The following PSD3 variants were observed in gnomAD, a reference collection of about 807,000 sequenced individuals.
PSD3 encodes pleckstrin and Sec7 domain containing 3.
Under a neutral mutation model 105.5 loss-of-function variants are expected in PSD3, and 49 were observed. The ratio of observed to expected loss-of-function variants is 0.46; its 90% CI spans 0.37 to 0.59. PSD3 has a LOEUF of 0.59. PSD3 is among the 20% of genes least tolerant of loss of function. PSD3 has a pLI of 0.00. For synonymous variants in PSD3, 557 were observed against 457.8 expected (o/e 1.22, Z -2.77); for missense variants, 1,561 against 1,263.8 (o/e 1.24, Z -3.57).
chr8:18,998,303 A>G (rs1273202711), intron 1 of PSD3, among the ~76,000 whole-genome samples: 1 of 152,006 alleles, frequency 6.6e-6, no homozygotes, highest in Non-Finnish European at 1.5e-5. Flanking sequence ...GTAAAGAAAA[A>G]GCTCTCTTAA....
intron 1 of PSD3, among the ~76,000 whole-genome samples, chr8:18,977,259 CAAA>C (rs36071554): frequency 3.5e-5 from 4 of 113,168 alleles, no homozygotes; most frequent in Non-Finnish European, 1.7e-5. Context: ...CACCCTATCT[CAAA>C]AAAAAAAAAA....
chr8:19,045,068 C>G (rs923524398), intron 1 of PSD3, among the ~76,000 whole-genome samples: 2 of 152,106 alleles, frequency 1.3e-5, no homozygotes, highest in African/African-American at 4.8e-5. Context: ...ACCAGTAGTC[C>G]CAGCTACTTG....
At chr8:18,963,815 T>C (rs1340893729) in intron 1 of PSD3, among the ~76,000 whole-genome samples, 2 of 152,178 alleles carry the variant, frequency 1.3e-5, no homozygotes, top group Non-Finnish European at 1.5e-5. Flanking sequence ...GAAGCAAATA[T>C]GTCATTGAAA....
intron 2 of PSD3, among the ~76,000 whole-genome samples, chr8:18,922,053 CT>C (rs1821056364): frequency 6.6e-6 from 1 of 152,188 alleles, no homozygotes; most frequent in African/African-American, 2.4e-5. Context: ...TATGTCACTT[CT>C]GCTTTATAGA....
rs188659587 is a variant in PSD3, at chr8:18,712,954, T to C, written c.2172+52495A>G. On this transcript the variant is annotated intron_variant, in intron 9 of 15. Transcript: ENST00000327040. ...ATCCACCATGATGAAGTTGGCTTCATCCCTGGAATGCAAGGCGGGTTCAAC... is the reference window on the plus strand; with the variant it reads ...ATCCACCATGATGAAGTTGGCTTCACCCCTGGAATGCAAGGCGGGTTCAAC... Among the ~76,000 whole-genome samples, 52 of 152,238 alleles carry C rather than the reference T, an allele frequency of 3.4e-4. 1 individual carries two copies. Among genetic ancestry groups the C allele is most frequent in the Admixed American group, 2.8e-3 (43 of 15,298 alleles).
chr8:18,907,768 G>C (rs1819942352), intron 2 of PSD3, among the ~76,000 whole-genome samples: 1 of 152,194 alleles, frequency 6.6e-6, no homozygotes, highest in African/African-American at 2.4e-5. Context: ...TGTACCAACA[G>C]AGTAACAACC....
intron 1 of PSD3, among the ~76,000 whole-genome samples, chr8:19,068,313 C>T (rs1310878383): frequency 6.7e-6 from 1 of 149,640 alleles, no homozygotes; most frequent in Non-Finnish European, 1.5e-5. Context: ...CTTTTTGAGA[C>T]AGGGTTCACT....
chr8:18,546,128 T>C lies in PSD3; in HGVS notation c.2928+10081A>G, dbSNP rs140251560. ...CAATTCTCCTGCCTCAGCAAGTAGATGGGATTACAGGTGCCCGCCACCATG... is the reference window on the plus strand; with the variant it reads ...CAATTCTCCTGCCTCAGCAAGTAGACGGGATTACAGGTGCCCGCCACCATG... On this transcript the variant is annotated intron_variant, in intron 15 of 15. Transcript: ENST00000327040. 4.3e-4 allele frequency among the ~76,000 whole-genome samples: 65 copies of C among 152,230 alleles called. No homozygotes were observed. In the East Asian group the frequency reaches 0.011, roughly 26 times the overall value.
chr8:18,997,504 T>C (rs187542929), intron 1 of PSD3, among the ~76,000 whole-genome samples: 25 of 152,136 alleles, frequency 1.6e-4, no homozygotes, highest in Non-Finnish European at 3.7e-4. Flanking sequence ...TCTATTCTCA[T>C]GAGACACAGC....
chr8:18,553,475 T>C (rs1800895934), intron 15 of PSD3, among the ~76,000 whole-genome samples: 1 of 152,220 alleles, frequency 6.6e-6, no homozygotes, highest in African/African-American at 2.4e-5. Flanking sequence ...TTATCTTTTA[T>C]ATACAATAAT....
At chr8:18,792,459 G>T (rs1397068386) in intron 8 of PSD3, among the ~76,000 whole-genome samples, 1 of 152,176 alleles carries the variant, frequency 6.6e-6, no homozygotes, top group Non-Finnish European at 1.5e-5. Context: ...AACTAAGGCA[G>T]GAACAGAAAA....
intron 10 of PSD3, among the ~76,000 whole-genome samples, chr8:18,638,975 G>A (rs1168972138): frequency 6.6e-6 from 1 of 152,210 alleles, no homozygotes; most frequent in Non-Finnish European, 1.5e-5. Context: ...AGAATCAGGT[G>A]CCATGGCATT....
chr8:18,759,658 A>C (rs1227857399), intron 9 of PSD3, among the ~76,000 whole-genome samples: 4 of 152,144 alleles, frequency 2.6e-5, no homozygotes, highest in Non-Finnish European at 5.9e-5. Context: ...TGGCAATGGG[A>C]AAGTGGGATA....
At chr8:18,982,044 T>G (rs1034842861) in intron 1 of PSD3, among the ~76,000 whole-genome samples, 5 of 152,320 alleles carry the variant, frequency 3.3e-5, no homozygotes, top group African/African-American at 1.2e-4. Flanking sequence ...CTTTCAAATC[T>G]GAAGTCAATC....
intron 9 of PSD3, among the ~76,000 whole-genome samples, chr8:18,666,422 T>C (rs113565172): frequency 2.0e-3 from 298 of 152,346 alleles, no homozygotes; most frequent in African/African-American, 6.9e-3. Context: ...CGGTATTTGT[T>C]TTATTGCTGT....
chr8:19,083,664 C>T (rs1345686975), intron 1 of PSD3, among the ~76,000 whole-genome samples: 1 of 150,228 alleles, frequency 6.7e-6, no homozygotes, highest in Non-Finnish European at 1.5e-5. Context: ...GAAACCTCCA[C>T]AGCTCCCTGG....
intron 9 of PSD3, among the ~76,000 whole-genome samples, chr8:18,736,630 A>G (rs1804171395): frequency 6.6e-6 from 1 of 152,194 alleles, no homozygotes. Flanking sequence ...GAAATATTTT[A>G]TAGAGATAAG....
At chr8:18,790,068 G>C (rs558696018) in intron 8 of PSD3, among the ~76,000 whole-genome samples, 43 of 152,166 alleles carry the variant, frequency 2.8e-4, no homozygotes, top group African/African-American at 8.9e-4. Context: ...TGGGAGGCTA[G>C]AGGGTGGGGA....
chr8:18,652,986 G>A (rs1277951482), intron 10 of PSD3, among the ~76,000 whole-genome samples: 3 of 152,172 alleles, frequency 2.0e-5, no homozygotes, highest in African/African-American at 7.2e-5. Flanking sequence ...TGTACATCAG[G>A]TTTTTAAATT....
Sources: gnomAD v4.1 joint callset for allele counts (sites outside exome capture counted in the v4.1 genomes callset) on GRCh38, gnomAD v4.1.1 for gene constraint, MANE v1.5 for transcripts, NCBI Gene and HGNC (gene_info 2026-07-23, HGNC 2026-07-21) for gene names.